The following TMEM120B variants were observed in gnomAD, a reference collection of about 807,000 sequenced individuals.
TMEM120B encodes the protein transmembrane protein 120B.
A neutral mutation model predicts 55.5 loss-of-function variants in TMEM120B; 31 were observed. The observed-to-expected ratio is 0.56, with a 90% CI of 0.42 to 0.75. The LOEUF (loss-of-function observed/expected upper bound fraction) is 0.75. Among genes scored for constraint, TMEM120B ranks in the 30% least tolerant of loss-of-function variants. The pLI is 0.00. For synonymous variants in TMEM120B, 203 were observed against 176.3 expected, an observed-to-expected ratio of 1.15 and a Z score of -1.20; for missense variants, 399 against 425.5, an observed-to-expected ratio of 0.94 and a Z score of 0.55.
At position 121,752,152 on chromosome 12, in the gene TMEM120B, G is replaced by A. The variant is rs770877611; in HGVS notation, c.390G>A (p.Glu130=). ...QAKFAYKDEY[E]KFKLYLTIIL... is the part of the protein sequence containing the mutation. ...GGTTCGCCTACAAGGACGAATATGA[G>A]AAGTTCAAGCTCTACCTGACCATCA... The change falls in exon 5 of 12, where the codon GAG becomes GAA. Residue 130 remains glutamate (E), a synonymous_variant. Transcript: ENST00000449592. 4 of 1,613,594 alleles carry A rather than the reference G, an allele frequency of 2.5e-6. No homozygotes were observed. The highest frequency in any genetic ancestry group is 3.4e-6 in the Non-Finnish European group (4 of 1,179,906).
chr12:121,731,303 G>C (rs1003297658), intron 1 of TMEM120B, among the ~76,000 whole-genome samples: 6 of 152,030 alleles, frequency 3.9e-5, no homozygotes, highest in African/African-American at 7.2e-5. Context: ...CCAGGCTGGA[G>C]TGCAGTGGTG....
chr12:121,771,988 CT>C (rs1874068954), intron 8 of TMEM120B, among the ~76,000 whole-genome samples: 1 of 152,170 alleles, frequency 6.6e-6, no homozygotes, highest in East Asian at 1.9e-4. Flanking sequence ...TGTTTGTTCC[CT>C]TTAAATTTTA....
chr12:121,739,661 C>T (rs1389260835), intron 1 of TMEM120B, among the ~76,000 whole-genome samples: 1 of 151,248 alleles, frequency 6.6e-6, no homozygotes, highest in Non-Finnish European at 1.5e-5. Context: ...TTAGTAGAGA[C>T]GGGTTTCACC....
rs890184570 is a variant in TMEM120B at position 121,777,685 on chromosome 12, A to G, written c.*1963A>G. On this transcript the variant is annotated 3_prime_UTR_variant, in exon 12 of 12. Coordinates refer to ENST00000449592, the MANE Select transcript of TMEM120B (RefSeq NM_001080825.2). ...GCAACTATTTTGAGCTTTATGGGCCAGGTGGTTTGTGGCAGCTACTCTTCA... is the reference window on the plus strand; with the variant it reads ...GCAACTATTTTGAGCTTTATGGGCCGGGTGGTTTGTGGCAGCTACTCTTCA... The G allele has an allele frequency of 6.6e-6, 1 of 152,258 alleles. No individual in the cohort carries two copies. Among genetic ancestry groups the G allele is most frequent in the Non-Finnish European group, 1.5e-5 (1 of 68,056 alleles). 9.4% of individuals were successfully genotyped at this position (152,258 alleles called of 1,614,324 possible).
At chr12:121,729,426 G>GA (rs1001355689) in intron 1 of TMEM120B, among the ~76,000 whole-genome samples, 2 of 152,194 alleles carry the variant, frequency 1.3e-5, no homozygotes, top group African/African-American at 4.8e-5. Flanking sequence ...CAGCTGCATA[G>GA]AAAACAGTAT....
intron 1 of TMEM120B, among the ~76,000 whole-genome samples, 164 bp downstream of exon 1, chr12:121,713,128 C>G (rs1035075574): frequency 6.6e-6 from 1 of 152,188 alleles, no homozygotes; most frequent in African/African-American, 2.4e-5. Flanking sequence ...CTCCCATCAC[C>G]CGGCGCTTCA....
At chr12:121,733,062 A>G (rs557914131) in intron 1 of TMEM120B, among the ~76,000 whole-genome samples, 33 of 152,018 alleles carry the variant, frequency 2.2e-4, no homozygotes, top group African/African-American at 7.5e-4. Flanking sequence ...AATCTTCTCT[A>G]GAGACATACT....
intron 4 of TMEM120B, among the ~76,000 whole-genome samples, chr12:121,751,072 A>T (rs1873299830): frequency 1.1e-5 from 1 of 93,594 alleles, no homozygotes; most frequent in Non-Finnish European, 2.1e-5. Flanking sequence ...ATCACACTCC[A>T]CACTCACACC....
chr12:121,748,883 C>T (rs1230424740), intron 3 of TMEM120B, among the ~76,000 whole-genome samples: 1 of 152,198 alleles, frequency 6.6e-6, no homozygotes, highest in Non-Finnish European at 1.5e-5. Flanking sequence ...TTTGGCCACA[C>T]CAGGATGTGA....
intron 1 of TMEM120B, among the ~76,000 whole-genome samples, chr12:121,742,420 TAAAAA>T (rs1872958583): frequency 1.3e-5 from 2 of 152,020 alleles, no homozygotes; most frequent in Non-Finnish European, 2.9e-5. Context: ...CTTCAACTGC[TAAAAA>T]CAAAACAAAA....
chr12:121,781,448 G>A lies in TMEM120B; in HGVS notation c.*5726G>A. 2.3e-6 allele frequency: 1 copy of A among 437,450 alleles called. No individual in the cohort carries two copies. The allele number at this position is 437,450 out of a possible 1,614,324, so 27.1% of individuals were successfully genotyped here. Reference sequence around the variant, plus strand: ...ATCATGCCACTGCACTCCAGCCTGGGTGACAGAGCGAGACCCTGTCTCTTA... The same window carrying A: ...ATCATGCCACTGCACTCCAGCCTGGATGACAGAGCGAGACCCTGTCTCTTA... On this transcript the variant is annotated 3_prime_UTR_variant, in exon 12 of 12. Transcript: ENST00000449592.
chr12:121,718,988 C>G (rs1894748474), intron 1 of TMEM120B, among the ~76,000 whole-genome samples: 1 of 152,148 alleles, frequency 6.6e-6, no homozygotes, highest in African/African-American at 2.4e-5. Flanking sequence ...TGACATCTGT[C>G]AGCTTAGCAG....
chr12:121,749,450 G>A (rs1200389504), intron 3 of TMEM120B, among the ~76,000 whole-genome samples: 1 of 152,254 alleles, frequency 6.6e-6, no homozygotes, highest in Non-Finnish European at 1.5e-5. Flanking sequence ...GGGAGGCCGA[G>A]GTGGGAGGAT....
At chr12:121,752,105 C>G (rs1010310578) in intron 4 of TMEM120B, 23 bp from the exon 5 acceptor site, 3 of 1,607,582 alleles carry the variant, frequency 1.9e-6, no homozygotes, top group Non-Finnish European at 2.6e-6. Flanking sequence ...GGGGCACACC[C>G]CTGGGCGTGT....
chr12:121,713,118 C>G (rs1465668923), intron 1 of TMEM120B, among the ~76,000 whole-genome samples, 154 bp downstream of exon 1: 1 of 152,070 alleles, frequency 6.6e-6, no homozygotes, highest in Admixed American at 6.5e-5. Context: ...GACCAGCCCC[C>G]TCCCATCACC....
At chr12:121,747,236 G>A (rs1245844353) in intron 2 of TMEM120B, among the ~76,000 whole-genome samples, 1 of 151,434 alleles carries the variant, frequency 6.6e-6, no homozygotes, top group African/African-American at 2.4e-5. Flanking sequence ...GGGGAACTGC[G>A]GTTGCGAGAG....
chr12:121,715,703 C>T (rs1894687819), intron 1 of TMEM120B, among the ~76,000 whole-genome samples: 1 of 151,992 alleles, frequency 6.6e-6, no homozygotes, highest in African/African-American at 2.4e-5. Flanking sequence ...AGGGATGGCT[C>T]CCGGTGTCAA....
At position 121,761,663 on chromosome 12, in the gene TMEM120B, TCTTCAA is replaced by T; in HGVS notation, c.481_486del (p.Asn161_Phe162del). On this transcript the variant is annotated inframe_deletion, in exon 6 of 12. Coordinates refer to ENST00000449592, the MANE Select transcript of TMEM120B (RefSeq NM_001080825.2). The stretch of plus-strand genomic sequence containing the variant: ...TCCTTGCACAGGGTGACTGACGAAG[TCTTCAA>T]CTTCCTGCTGGTGTGGTATTACTGC... The T allele has an allele frequency of 6.2e-7, 1 of 1,613,824 alleles. No individual in the cohort carries two copies. Among genetic ancestry groups the T allele is most frequent in the Non-Finnish European group, 8.5e-7 (1 of 1,179,840 alleles).
At chr12:121,761,590 G>C in intron 5 of TMEM120B, 59 bp from the exon 6 acceptor site, 1 of 1,315,100 alleles carries the variant, frequency 7.6e-7, no homozygotes, top group South Asian at 1.2e-5. Context: ...GGTGAGGGTG[G>C]GATGGCTGTG....
Sources: gnomAD v4.1 joint callset for allele counts (sites outside exome capture counted in the v4.1 genomes callset) on GRCh38, gnomAD v4.1.1 for gene constraint, MANE v1.5 for transcripts, NCBI Gene and HGNC (gene_info 2026-07-23, HGNC 2026-07-21) for gene names.